MAST4: variants seen among roughly 807,000 people sequenced by gnomAD.
MAST4 encodes the protein microtubule-associated serine/threonine-protein kinase 4.
A neutral mutation model predicts 162.7 loss-of-function variants in MAST4; 89 were observed. The ratio of observed to expected loss-of-function variants is 0.55; its 90% CI spans 0.46 to 0.65. MAST4 has a LOEUF of 0.65. Ranked by LOEUF, MAST4 falls within the 30% of genes least tolerant of loss-of-function variation. MAST4 has a pLI of 0.00. For missense variants in MAST4, 3,153 were observed against 3,374.0 expected, an observed-to-expected ratio of 0.93 and a Z score of 1.62; for synonymous variants, 1,479 against 1,361.1, an observed-to-expected ratio of 1.09 and a Z score of -1.91.
At position 67,104,351 on chromosome 5, in the gene MAST4, G is replaced by C. The variant is rs368782004; in HGVS notation, c.1147-15G>C. 3.0e-5 allele frequency: 48 copies of C among 1,589,228 alleles called. No homozygotes were observed. In the African/African-American group the frequency reaches 6.3e-4, roughly 21 times the overall value. ...CCTCGTATTACATCTGTGTATGTGT[G>C]TCTTCTCTATATAGGCTACAGCTCA... On this transcript the variant is annotated splice_polypyrimidine_tract_variant and intron_variant, in intron 9 of 28. Coordinates refer to ENST00000403625, the MANE Select transcript of MAST4 (RefSeq NM_001164664.2).
At chr5:66,664,325 T>C (rs1747100960) in intron 1 of MAST4, among the ~76,000 whole-genome samples, 1 of 150,656 alleles carries the variant, frequency 6.6e-6, no homozygotes, top group Non-Finnish European at 1.5e-5. Flanking sequence ...ATCCCAACTA[T>C]TCATGAGGCT....
At chr5:66,881,128 C>G (rs938201460) in intron 3 of MAST4, among the ~76,000 whole-genome samples, 1 of 152,188 alleles carries the variant, frequency 6.6e-6, no homozygotes, top group Non-Finnish European at 1.5e-5. Context: ...ATCTTTGTAG[C>G]AAATTTTATA....
chr5:66,974,710 G>A (rs1747905535), intron 4 of MAST4, among the ~76,000 whole-genome samples: 1 of 152,140 alleles, frequency 6.6e-6, no homozygotes, highest in African/African-American at 2.4e-5. Context: ...TCTAATGCTG[G>A]CCACTAAAAA....
chr5:66,714,491 G>T (rs538265369), intron 1 of MAST4, among the ~76,000 whole-genome samples: 8 of 152,262 alleles, frequency 5.3e-5, no homozygotes, highest in African/African-American at 1.4e-4. Context: ...GTCTGGACAG[G>T]CCTGGATGAA....
chr5:67,052,055 A>AT (rs1390724590), intron 4 of MAST4, among the ~76,000 whole-genome samples: 68 of 152,284 alleles, frequency 4.5e-4, no homozygotes, highest in African/African-American at 1.4e-3. Context: ...TGTCAATAAG[A>AT]TATACCTTCG....
chr5:67,095,274 G>T (rs1764322037), intron 6 of MAST4, among the ~76,000 whole-genome samples: 1 of 152,090 alleles, frequency 6.6e-6, no homozygotes. Flanking sequence ...TTTTCCTCCT[G>T]CCTTTCTGTT....
intron 1 of MAST4, among the ~76,000 whole-genome samples, chr5:66,757,746 A>G (rs984972636): frequency 6.6e-6 from 1 of 152,226 alleles, no homozygotes; most frequent in African/African-American, 2.4e-5. Flanking sequence ...GCCACTGAGA[A>G]TATGGGTGTT....
chr5:66,771,223 C>T (rs183293974), intron 2 of MAST4, among the ~76,000 whole-genome samples: 327 of 151,610 alleles, frequency 2.2e-3, no homozygotes, highest in Admixed American at 5.0e-3. Context: ...CTCACTCTGT[C>T]GCCCAGGCTG....
chr5:67,166,350 C>T lies in MAST4; in HGVS notation c.7171C>T (p.Leu2391Phe). ...PAEGDKLEAG[L>F]SFVHSENRLK... ...AGAGGGCGACAAGCTCGAGGCCGGC[C>T]TTTCCTTTGTGCATAGCGAGAACCG... is the stretch of plus-strand genomic sequence containing the variant. The change falls in exon 29 of 29, where the codon CTT becomes TTT. Residue 2391 changes from leucine (L) to phenylalanine (F), a missense_variant. This residue lies in a region of MAST4 where 1,644 missense variants were observed against 1,495.0 expected (regional missense o/e 1.10). Transcript: ENST00000403625. 6.2e-7 allele frequency: 1 copy of T among 1,609,206 alleles called. No individual in the cohort carries two copies. Among genetic ancestry groups the T allele is most frequent in the Non-Finnish European group, 8.5e-7 (1 of 1,177,820 alleles).
chr5:66,700,785 A>G (rs867404017), intron 1 of MAST4, among the ~76,000 whole-genome samples: 1 of 101,184 alleles, frequency 9.9e-6, no homozygotes, highest in Non-Finnish European at 1.9e-5. Flanking sequence ...AAAAAATTAT[A>G]TATATATATA....
chr5:66,814,065 G>A (rs144494087), intron 3 of MAST4, among the ~76,000 whole-genome samples: 1 of 152,302 alleles, frequency 6.6e-6, no homozygotes, highest in African/African-American at 2.4e-5. Flanking sequence ...TGTGGGTTAA[G>A]AGGAGGATGG....
chr5:67,133,996 G>A (rs1033887993), intron 17 of MAST4, among the ~76,000 whole-genome samples: 2 of 152,094 alleles, frequency 1.3e-5, no homozygotes, highest in African/African-American at 4.8e-5. Context: ...GTACCATCAC[G>A]GGTGCTAAAT....
Position 67,045,495 on chromosome 5 carries a change from A to G in MAST4, c.675-8909A>G, listed in dbSNP as rs148325532. 3.8e-3 allele frequency among the ~76,000 whole-genome samples: 575 copies of G among 152,338 alleles called. 3 individuals are homozygous for G. Among genetic ancestry groups the G allele is most frequent in the Non-Finnish European group, 6.4e-3 (435 of 68,032 alleles). On this transcript the variant is annotated intron_variant, in intron 4 of 28. Coordinates refer to ENST00000403625, the MANE Select transcript of MAST4 (RefSeq NM_001164664.2). ...GAGAAATTAGTTGTTAAAAATGTAC[A>G]CTTATACACAGTGTAACATTTCAGT... is the stretch of plus-strand genomic sequence containing the variant.
intron 1 of MAST4, among the ~76,000 whole-genome samples, chr5:66,685,009 C>T (rs1302013837): frequency 6.6e-6 from 1 of 152,128 alleles, no homozygotes; most frequent in Non-Finnish European, 1.5e-5. Context: ...TGCCTATAAC[C>T]CCAGCACTTT....
intron 1 of MAST4, among the ~76,000 whole-genome samples, chr5:66,754,276 A>T (rs887351668): frequency 6.6e-6 from 1 of 152,200 alleles, no homozygotes; most frequent in Non-Finnish European, 1.5e-5. Flanking sequence ...GCTAGCAGGG[A>T]TACAGTTAAA....
chr5:66,956,838 AC>A, intron 4 of MAST4, among the ~76,000 whole-genome samples: 1 of 152,146 alleles, frequency 6.6e-6, no homozygotes, highest in Non-Finnish European at 1.5e-5. Context: ...TTATGTGGTC[AC>A]CAAGGTGTAG....
At chr5:67,150,284 A>G (rs1386533166) in intron 24 of MAST4, among the ~76,000 whole-genome samples, 1 of 152,264 alleles carries the variant, frequency 6.6e-6, no homozygotes, top group East Asian at 1.9e-4. Flanking sequence ...GATGGTTGTG[A>G]TATCACTCAA....
At chr5:67,067,969 A>G (rs1320769982) in intron 5 of MAST4, among the ~76,000 whole-genome samples, 1 of 152,164 alleles carries the variant, frequency 6.6e-6, no homozygotes, top group Non-Finnish European at 1.5e-5. Flanking sequence ...ATTCTAGGAA[A>G]CGGAGACCCA....
At chr5:67,075,930 G>A (rs563931902) in intron 5 of MAST4, among the ~76,000 whole-genome samples, 4 of 152,214 alleles carry the variant, frequency 2.6e-5, no homozygotes, top group Admixed American at 6.5e-5. Context: ...AACAGAGCCA[G>A]GAATTCCTAT....
Sources: allele counts gnomAD v4.1 joint callset (sites outside exome capture counted in the v4.1 genomes callset), GRCh38; gene constraint gnomAD v4.1.1; regional missense constraint gnomAD v4.1.1; transcripts MANE v1.5; gene names NCBI Gene and HGNC (gene_info 2026-07-23, HGNC 2026-07-21).